The following FSIP2 variants were observed in gnomAD, a reference collection of about 807,000 sequenced individuals.
FSIP2 encodes fibrous sheath interacting protein 2.
A neutral mutation model predicts 510.5 loss-of-function variants in FSIP2; 367 were observed. The observed-to-expected ratio is 0.72, with a 90% CI of 0.66 to 0.78. The LOEUF (loss-of-function observed/expected upper bound fraction) is 0.78, where lower values mean the gene tolerates loss of function less well. Among genes scored for constraint, FSIP2 ranks in the 30% least tolerant of loss-of-function variants. FSIP2 has a pLI of 0.00. For synonymous variants in FSIP2, 2,601 were observed against 2,732.2 expected (o/e 0.95, Z 1.50); for missense variants, 7,594 against 7,901.7 (o/e 0.96, Z 1.48).
intron 13 of FSIP2, among the ~76,000 whole-genome samples, chr2:185,767,856 C>T (rs1251042729): frequency 1.3e-5 from 2 of 152,024 alleles, no homozygotes; most frequent in Non-Finnish European, 2.9e-5. Context: ...GAAAACATAA[C>T]GAAAACATAT....
chr2:185,802,570 T>TC lies in FSIP2; in HGVS notation c.13264_13265insC (p.Phe4422SerfsTer12). The TC allele has an allele frequency of 6.5e-7, 1 of 1,530,296 alleles. No homozygotes were observed. The highest frequency in any genetic ancestry group is 8.7e-7 in the Non-Finnish European group (1 of 1,144,324). 94.8% of individuals were successfully genotyped at this position (1,530,296 alleles called of 1,614,324 possible). A position where few individuals can be genotyped will look rare whatever the true frequency, so the allele number is the denominator to read the frequency against. On this transcript the variant is annotated frameshift_variant, in exon 17 of 23. Coordinates refer to ENST00000424728, the MANE Select transcript of FSIP2 (RefSeq NM_173651.4). LOFTEE classifies it high-confidence loss of function. The stretch of plus-strand genomic sequence containing the variant: ...TTCAGATTACCTTCTTCATCCACTG[T>TC]TTTCTGGGGATTTTTCAGCTTCTAC...
In FSIP2 at chr2:185,801,531, A is replaced by C. The variant is rs745363065; in HGVS notation, c.12225A>C (p.Ile4075=). The C allele has an allele frequency of 6.5e-7, 1 of 1,534,248 alleles. No homozygotes were observed. Among genetic ancestry groups the C allele is most frequent in the Non-Finnish European group, 8.7e-7 (1 of 1,145,612 alleles). The change falls in exon 17 of 23, where the codon ATA becomes ATC. Residue 4075 remains isoleucine, a synonymous_variant. Transcript: ENST00000424728. The part of the protein sequence containing the change: ...GNNPVYDNAS[I]AEQITNGILL... ...ATCCGGTATACGACAATGCCTCAAT[A>C]GCAGAACAAATAACAAATGGCATAT...
intron 22 of FSIP2, among the ~76,000 whole-genome samples, chr2:185,832,399 C>T (rs1694124897): frequency 6.6e-6 from 1 of 151,806 alleles, no homozygotes; most frequent in African/African-American, 2.4e-5. Flanking sequence ...CACTGGCATG[C>T]TAGATTGTTC....
In FSIP2 at chr2:185,804,916, T is replaced by C. The variant is rs1693528094; in HGVS notation, c.15610T>C (p.Phe5204Leu). Residue 5204 changes from phenylalanine (F) to leucine (L), a missense_variant, in exon 17 of 23, where the codon TTC (phenylalanine) becomes CTC (leucine). Coordinates refer to ENST00000424728, the MANE Select transcript of FSIP2 (RefSeq NM_173651.4). ...TAATAATATTTTGAAAACATCTGAA[T>C]TCCAAGCTGAAGTACAAAAAGATGC... Reference protein sequence around the residue: ...ICNNILKTSEFQAEVQKDADK... With the variant: ...ICNNILKTSELQAEVQKDADK... The C allele has an allele frequency of 6.6e-7, 1 of 1,526,490 alleles. No individual in the cohort carries two copies. Among genetic ancestry groups the C allele is most frequent in the Non-Finnish European group, 8.7e-7 (1 of 1,143,188 alleles). The allele number at this position is 1,526,490 out of a possible 1,614,324, so 94.6% of individuals were successfully genotyped here. A position where few individuals can be genotyped will look rare whatever the true frequency, so the allele number is the denominator to read the frequency against.
chr2:185,737,303 C>G (rs990617866), upstream of FSIP2, among the ~76,000 whole-genome samples: 8 of 152,160 alleles, frequency 5.3e-5, no homozygotes, highest in Admixed American at 3.9e-4. Context: ...GACCAAGTAA[C>G]AGAGGCCATT....
At chr2:185,751,566 T>C (rs1692149275) in intron 7 of FSIP2, among the ~76,000 whole-genome samples, 1 of 150,668 alleles carries the variant, frequency 6.6e-6, no homozygotes, top group South Asian at 2.1e-4. Context: ...ATTGAGGTGT[T>C]TGTAGCATTT....
chr2:185,802,186 A>G lies in FSIP2; in HGVS notation c.12880A>G (p.Arg4294Gly), dbSNP rs1377675365. 3.9e-5 allele frequency: 60 copies of G among 1,533,448 alleles called. No homozygotes were observed. The highest frequency in any genetic ancestry group is 5.2e-5 in the Non-Finnish European group (59 of 1,145,154). 95.0% of individuals were successfully genotyped at this position (1,533,448 alleles called of 1,614,324 possible). The change falls in exon 17 of 23, where the codon AGA becomes GGA. Residue 4294 changes from arginine (R) to glycine (G), a missense_variant. Physicochemically the swap from Arg to Gly is moderately radical, Grantham distance 125. Coordinates refer to ENST00000424728, the MANE Select transcript of FSIP2 (RefSeq NM_173651.4). ...TCTGAGTGAAGTGATAGAGTCACAC[A>G]GACCTCAGAAGCAATCACCTTTAGA... is the stretch of plus-strand genomic sequence containing the variant. ...QVLSEVIESH[R>G]PQKQSPLDIH...
chr2:185,762,022 G>T lies in FSIP2; in HGVS notation c.1240+5G>T. ...CAAGTATTTTCGATGATAGAGGTAA[G>T]AAAATAAACAATAGTCATAATTTTT... On this transcript the variant is annotated splice_donor_5th_base_variant and intron_variant, in intron 11 of 22. Transcript: ENST00000424728. The T allele has an allele frequency of 7.3e-7, 1 of 1,377,806 alleles. No homozygotes were observed. The highest frequency in any genetic ancestry group is 1.3e-5 in the South Asian group (1 of 78,840). The allele number at this position is 1,377,806 out of a possible 1,614,324, so 85.3% of individuals were successfully genotyped here.
At chr2:185,831,520 C>A (rs1382571704) in intron 21 of FSIP2, among the ~76,000 whole-genome samples, 3 of 151,850 alleles carry the variant, frequency 2.0e-5, no homozygotes, top group African/African-American at 4.8e-5. Context: ...ATAGAGGGGG[C>A]AGACAGAGCT....
Position 185,797,397 on chromosome 2 carries a change from A to T in FSIP2, c.10261A>T (p.Ile3421Leu). The change falls in exon 16 of 23, where the codon ATA (isoleucine) becomes TTA (leucine). Residue 3421 changes from isoleucine to leucine, a missense_variant. Physicochemically the swap from Ile to Leu is conservative, Grantham distance 5 (BLOSUM62 2). Transcript: ENST00000424728. Reference protein sequence around the residue: ...QKLKKKEYPKIETVKEVEAFT... With the variant: ...QKLKKKEYPKLETVKEVEAFT... Reference sequence around the variant, plus strand: ...ATTGAAAAAAAAGGAGTACCCAAAGATAGAGACTGTGAAGGAAGTTGAAGC... The same window carrying T: ...ATTGAAAAAAAAGGAGTACCCAAAGTTAGAGACTGTGAAGGAAGTTGAAGC... 4 of 1,532,642 alleles carry T rather than the reference A, an allele frequency of 2.6e-6. No homozygotes were observed. The highest frequency in any genetic ancestry group is 3.5e-6 in the Non-Finnish European group (4 of 1,145,652). 94.9% of individuals were successfully genotyped at this position (1,532,642 alleles called of 1,614,324 possible).
chr2:185,785,847 T>G (rs1300650491), intron 14 of FSIP2, among the ~76,000 whole-genome samples: 1 of 151,916 alleles, frequency 6.6e-6, no homozygotes, highest in African/African-American at 2.4e-5. Context: ...AAATAAAGGA[T>G]TATCAGAAAG....
At chr2:185,825,743 G>T (rs914454970) in intron 20 of FSIP2, among the ~76,000 whole-genome samples, 1 of 151,720 alleles carries the variant, frequency 6.6e-6, no homozygotes, top group Non-Finnish European at 1.5e-5. Flanking sequence ...CCAAAGATTT[G>T]CTGAGTGTTT....
At chr2:185,759,871 T>A (rs539517645) in intron 9 of FSIP2, among the ~76,000 whole-genome samples, 1 of 150,432 alleles carries the variant, frequency 6.6e-6, no homozygotes, top group South Asian at 2.1e-4. Context: ...TGCTTAAATA[T>A]TTAGCACAAT....
chr2:185,746,656 C>A lies in FSIP2; in HGVS notation c.618-13C>A. ...GCCAATTCACCTTTAGCAATATTTG[C>A]ACTCTTACTCAGATATTTGGATATG... On this transcript the variant is annotated splice_polypyrimidine_tract_variant and intron_variant, in intron 5 of 22. Coordinates refer to ENST00000424728, the MANE Select transcript of FSIP2 (RefSeq NM_173651.4). The A allele has an allele frequency of 6.7e-7, 1 of 1,485,494 alleles. No individual in the cohort carries two copies. The highest frequency in any genetic ancestry group is 1.3e-5 in the South Asian group (1 of 74,992). 92.0% of individuals were successfully genotyped at this position (1,485,494 alleles called of 1,614,324 possible). A position where few individuals can be genotyped will look rare whatever the true frequency, so the allele number is the denominator to read the frequency against.
At chr2:185,784,200 A>T (rs1348665885) in intron 14 of FSIP2, 1 of 152,174 alleles carries the variant, frequency 6.6e-6, no homozygotes, top group African/African-American at 2.4e-5. Flanking sequence ...AGGGAATGAA[A>T]ATAAAGTAAA....
chr2:185,802,719 T>C lies in FSIP2; in HGVS notation c.13413T>C (p.Asp4471=). Residue 4471 remains aspartate (D), a synonymous_variant, in exon 17 of 23, where the codon GAT becomes GAC. Coordinates refer to ENST00000424728, the MANE Select transcript of FSIP2 (RefSeq NM_173651.4). ...NTLLPYTFLE[D]MIRVLLSKLF... ...TGCTGCCATACACATTTTTAGAAGA[T>C]ATGATCAGAGTACTATTATCTAAAT... 6.6e-7 allele frequency: 1 copy of C among 1,523,910 alleles called. No individual in the cohort carries two copies. The highest frequency in any genetic ancestry group is 1.2e-5 in the South Asian group (1 of 81,736). The allele number at this position is 1,523,910 out of a possible 1,614,324, so 94.4% of individuals were successfully genotyped here. A position where few individuals can be genotyped will look rare whatever the true frequency, so the allele number is the denominator to read the frequency against.
At chr2:185,766,745 T>C (rs1692492384) in intron 13 of FSIP2, among the ~76,000 whole-genome samples, 1 of 149,042 alleles carries the variant, frequency 6.7e-6, no homozygotes, top group South Asian at 2.2e-4. Flanking sequence ...TCAACCATTG[T>C]GGAAGTCAGT....
intron 18 of FSIP2, 120 bp from the exon 19 acceptor site, chr2:185,815,251 T>A: frequency 3.3e-6 from 2 of 603,258 alleles, no homozygotes; most frequent in East Asian, 3.2e-5. Flanking sequence ...CACCCATCTT[T>A]TAACTAATCT....
Position 185,791,868 on chromosome 2 carries a change from C to T in FSIP2, c.4732C>T (p.Leu1578=), listed in dbSNP as rs1693136901. The change falls in exon 16 of 23, where the codon CTA becomes TTA. Residue 1578 remains leucine (L), a synonymous_variant. Transcript: ENST00000424728. The stretch of plus-strand genomic sequence containing the variant: ...CACAAAAGAAATGCATCCAAATAAA[C>T]TAAAAGCTGTAGCTTCAGATATTCT... ...PSTKEMHPNK[L]KAVASDILNM... 6.5e-7 allele frequency: 1 copy of T among 1,533,770 alleles called. No individual in the cohort carries two copies. Among genetic ancestry groups the T allele is most frequent in the African/African-American group, 1.4e-5 (1 of 72,834 alleles).
Sources: allele counts gnomAD v4.1 joint callset (sites outside exome capture counted in the v4.1 genomes callset), GRCh38; gene constraint gnomAD v4.1.1; transcripts MANE v1.5; gene names NCBI Gene and HGNC (gene_info 2026-07-23, HGNC 2026-07-21).